Variants in PRRG4 observed in about 807,000 individuals in gnomAD.
PRRG4 encodes the protein transmembrane gamma-carboxyglutamic acid protein 4.
Under a neutral mutation model 20.0 loss-of-function variants are expected in PRRG4, and 12 were observed. The observed-to-expected ratio is 0.60, with a 90% CI of 0.38 to 0.97. The LOEUF (loss-of-function observed/expected upper bound fraction) is 0.97, where lower values mean the gene tolerates loss of function less well. PRRG4 is among the 50% of genes least tolerant of loss of function. PRRG4 has a pLI of 0.00. For missense variants in PRRG4, 199 were observed against 265.1 expected (o/e 0.75, Z 1.73); for synonymous variants, 94 against 96.4 (o/e 0.98, Z 0.15).
Position 32,855,935 on chromosome 11 carries a change from G to A in PRRG4, c.*2408G>A, listed in dbSNP as rs1737284247. The A allele has an allele frequency of 6.6e-6, 1 of 152,132 alleles. No individual in the cohort carries two copies. Among genetic ancestry groups the A allele is most frequent in the Non-Finnish European group, 1.5e-5 (1 of 68,024 alleles). 9.4% of individuals were successfully genotyped at this position (152,132 alleles called of 1,614,324 possible). On this transcript the variant is annotated 3_prime_UTR_variant, in exon 6 of 6. Transcript: ENST00000257836. ...GGTGACAACTGGGTTTAGAATGAGT[G>A]AGCACACTTTTCTAGTCCCATGTCA...
intron 5 of PRRG4, among the ~76,000 whole-genome samples, chr11:32,842,642 C>A (rs1391487415): frequency 6.6e-6 from 1 of 151,906 alleles, no homozygotes; most frequent in African/African-American, 2.4e-5. Flanking sequence ...ATCACTTGAA[C>A]CCAGGAGGCA....
chr11:32,843,925 T>G (rs956810376), intron 5 of PRRG4, among the ~76,000 whole-genome samples: 1 of 152,228 alleles, frequency 6.6e-6, no homozygotes, highest in Non-Finnish European at 1.5e-5. Context: ...CGCAGTAATT[T>G]TAAATCATTA....
intron 5 of PRRG4, among the ~76,000 whole-genome samples, chr11:32,848,474 T>C (rs951193209): frequency 2.6e-5 from 4 of 152,028 alleles, no homozygotes; most frequent in African/African-American, 9.7e-5. Context: ...GTTATGGAAA[T>C]AGATAATGGA....
At chr11:32,839,956 A>T in intron 4 of PRRG4, 151 bp from the exon 5 acceptor site, 1 of 388,928 alleles carries the variant, frequency 2.6e-6, no homozygotes, top group Admixed American at 4.5e-5. Context: ...AATTTTTTTC[A>T]GGTAGATTCT....
intron 3 of PRRG4, among the ~76,000 whole-genome samples, chr11:32,837,852 C>G (rs12795140): frequency 0.1 from 15,684 of 152,038 alleles, 856 homozygotes; most frequent in Non-Finnish European, 0.13. Flanking sequence ...GCCACCATGC[C>G]TGGCCCTAAA....
chr11:32,850,371 C>T (rs1401225724), intron 5 of PRRG4, among the ~76,000 whole-genome samples: 2 of 152,170 alleles, frequency 1.3e-5, no homozygotes, highest in Non-Finnish European at 2.9e-5. Flanking sequence ...TAAAGTGGCA[C>T]TGTGATTATG....
At chr11:32,838,795 T>A in intron 3 of PRRG4, 87 bp from the exon 4 acceptor site, 1 of 938,254 alleles carries the variant, frequency 1.1e-6, no homozygotes, top group Non-Finnish European at 1.7e-6. Flanking sequence ...GCCAAGAGTT[T>A]ACTACCCCTA....
At chr11:32,835,694 T>C (rs1851013716) in intron 2 of PRRG4, among the ~76,000 whole-genome samples, 1 of 152,252 alleles carries the variant, frequency 6.6e-6, no homozygotes, top group Non-Finnish European at 1.5e-5. Flanking sequence ...GGACTAAATG[T>C]CTTTAGTTAA....
At chr11:32,846,465 G>A (rs1851131374) in intron 5 of PRRG4, among the ~76,000 whole-genome samples, 1 of 152,210 alleles carries the variant, frequency 6.6e-6, no homozygotes, top group South Asian at 2.1e-4. Flanking sequence ...CTTTGGGGAA[G>A]GTTTTTGAGA....
chr11:32,833,557 A>T (rs547039006), intron 2 of PRRG4, among the ~76,000 whole-genome samples: 169 of 152,368 alleles, frequency 1.1e-3, no homozygotes, highest in Admixed American at 2.2e-3. Context: ...TTCATGCAGT[A>T]AGTATAGCTA....
At position 32,854,270 on chromosome 11, in the gene PRRG4, G is replaced by T. The variant is rs1851210558; in HGVS notation, c.*743G>T. On this transcript the variant is annotated 3_prime_UTR_variant, in exon 6 of 6. Transcript: ENST00000257836. Reference sequence around the variant, plus strand: ...TGTCTAACCATTAAGATTATCCAAAGTCAGGCTGGGCGCAGTGGCTCACGC... The same window carrying T: ...TGTCTAACCATTAAGATTATCCAAATTCAGGCTGGGCGCAGTGGCTCACGC... The T allele has an allele frequency of 6.6e-6, 1 of 152,118 alleles. No individual in the cohort carries two copies. The allele number at this position is 152,118 out of a possible 1,614,324, so 9.4% of individuals were successfully genotyped here.
intron 5 of PRRG4, among the ~76,000 whole-genome samples, chr11:32,851,196 T>C (rs1356946019): frequency 6.6e-6 from 1 of 152,214 alleles, no homozygotes; most frequent in Non-Finnish European, 1.5e-5. Flanking sequence ...TATTAGTGCA[T>C]ACTTTCTGAT....
rs182973659 is a variant in PRRG4 at position 32,839,399 on chromosome 11, C to T, written c.316+469C>T. 3.6e-3 allele frequency among the ~76,000 whole-genome samples: 544 copies of T among 151,910 alleles called. 6 individuals are homozygous for T. The highest frequency in any genetic ancestry group is 0.013 in the African/African-American group (523 of 41,452). ...CTGCATTTTAGTCAGGTGTTTTTTT[C>T]GCCAGCTATTCTTTCATTCCTCTTA... is the stretch of plus-strand genomic sequence containing the variant. On this transcript the variant is annotated intron_variant, in intron 4 of 5. Coordinates refer to ENST00000257836, the MANE Select transcript of PRRG4 (RefSeq NM_024081.6).
At chr11:32,848,920 C>T (rs989129239) in intron 5 of PRRG4, among the ~76,000 whole-genome samples, 4 of 149,882 alleles carry the variant, frequency 2.7e-5, no homozygotes, top group Non-Finnish European at 4.4e-5. Context: ...TGCAGTGAGC[C>T]GAGATGGCTC....
At chr11:32,841,018 A>G (rs528859194) in intron 5 of PRRG4, among the ~76,000 whole-genome samples, 16 of 152,158 alleles carry the variant, frequency 1.1e-4, no homozygotes, top group Admixed American at 7.9e-4. Context: ...AATAAAAAGT[A>G]CTGATTATCT....
chr11:32,832,302 A>G (rs1239340431), intron 2 of PRRG4, among the ~76,000 whole-genome samples: 1 of 152,172 alleles, frequency 6.6e-6, no homozygotes, highest in Non-Finnish European at 1.5e-5. Context: ...GACGATCTCC[A>G]TCAACTGTAT....
rs1385872370 is a variant in PRRG4 at position 32,836,648 on chromosome 11, A to G, written c.104-10A>G. On this transcript the variant is annotated splice_polypyrimidine_tract_variant and intron_variant, in intron 2 of 5. Transcript: ENST00000257836. ...GATCAATGTTTAAGTCTTTTTCATTACTTTATTAGTGTTTACATCAAAAGA... is the reference window on the plus strand; with the variant it reads ...GATCAATGTTTAAGTCTTTTTCATTGCTTTATTAGTGTTTACATCAAAAGA... 4 of 1,465,682 alleles carry G rather than the reference A, an allele frequency of 2.7e-6. No homozygotes were observed. In the Admixed American group the frequency reaches 7.7e-5, roughly 28 times the overall value. 90.8% of individuals were successfully genotyped at this position (1,465,682 alleles called of 1,614,324 possible).
At chr11:32,838,707 G>C (rs1307071366) in intron 3 of PRRG4, among the ~76,000 whole-genome samples, 175 bp from the exon 4 acceptor site, 1 of 152,176 alleles carries the variant, frequency 6.6e-6, no homozygotes, top group Non-Finnish European at 1.5e-5. Context: ...GGCAGAGGCA[G>C]CTGTGGGTGG....
intron 5 of PRRG4, among the ~76,000 whole-genome samples, chr11:32,848,513 T>C (rs1489982096): frequency 1.3e-5 from 2 of 152,146 alleles, no homozygotes; most frequent in East Asian, 3.9e-4. Context: ...GTGGAATTAA[T>C]ACCACTGAAA....
Sources: gnomAD v4.1 joint callset for allele counts (sites outside exome capture counted in the v4.1 genomes callset) on GRCh38, gnomAD v4.1.1 for gene constraint, MANE v1.5 for transcripts, NCBI Gene and HGNC (gene_info 2026-07-23, HGNC 2026-07-21) for gene names.